Variants in PLCG2 observed in about 807,000 individuals in gnomAD.
PLCG2 encodes the protein 1-phosphatidylinositol 4,5-bisphosphate phosphodiesterase gamma-2.
In PLCG2, 69 loss-of-function variants were observed where a neutral mutation model predicts 175.6. That is an observed-to-expected ratio of 0.39 (90% CI 0.32 to 0.48). The LOEUF is 0.48. Among genes scored for constraint, PLCG2 ranks in the 20% least tolerant of loss-of-function variants. PLCG2 has a pLI of 0.91. For synonymous variants in PLCG2, 827 were observed against 624.0 expected, an observed-to-expected ratio of 1.33 and a Z score of -4.85; for missense variants, 1,798 against 1,650.9, an observed-to-expected ratio of 1.09 and a Z score of -1.54.
chr16:81,853,597 A>G (rs1180347479), intron 2 of PLCG2, among the ~76,000 whole-genome samples: 2 of 152,266 alleles, frequency 1.3e-5, no homozygotes, highest in Middle Eastern at 3.4e-3. Flanking sequence ...TTGCGCCCCT[A>G]TGAGAATCTG....
upstream of PLCG2, among the ~76,000 whole-genome samples, chr16:81,776,083 C>CTT: frequency 0.053 from 4,304 of 81,396 alleles, 1,077 homozygotes; most frequent in South Asian, 0.075. Context: ...TTCTCTCTCT[C>CTT]TCTCTCTTTC....
At chr16:81,829,986 C>T (rs149619554) in intron 2 of PLCG2, among the ~76,000 whole-genome samples, 1 of 151,886 alleles carries the variant, frequency 6.6e-6, no homozygotes, top group African/African-American at 2.4e-5. Context: ...GACCCATGAA[C>T]GGGCAGTGCT....
chr16:81,915,668 T>C (rs1254942229), intron 19 of PLCG2, among the ~76,000 whole-genome samples: 5 of 152,208 alleles, frequency 3.3e-5, no homozygotes, highest in African/African-American at 9.6e-5. Context: ...ATGATCCTAA[T>C]GCTCCCCATG....
chr16:81,938,724 G>C (rs1487751547), intron 28 of PLCG2, 77 bp from the exon 29 acceptor site: 15 of 813,832 alleles, frequency 1.8e-5, no homozygotes, highest in Admixed American at 4.3e-5. Context: ...TGTCACTCTA[G>C]AACCCAGCTG....
At chr16:81,870,704 C>T in intron 6 of PLCG2, 148 bp from the exon 7 acceptor site, 1 of 469,314 alleles carries the variant, frequency 2.1e-6, no homozygotes, top group Non-Finnish European at 3.8e-6. Flanking sequence ...AAAGCCATGA[C>T]ACTGAAACAA....
intron 1 of PLCG2, among the ~76,000 whole-genome samples, chr16:81,742,333 G>A (rs1282711513): frequency 6.6e-6 from 1 of 152,152 alleles, no homozygotes; most frequent in Non-Finnish European, 1.5e-5. Context: ...GCCTGACTGG[G>A]ATGAGACCAA....
chr16:81,750,997 T>C (rs1465644164), intron 1 of PLCG2, among the ~76,000 whole-genome samples: 216 of 90,878 alleles, frequency 2.4e-3, no homozygotes, highest in Non-Finnish European at 2.9e-3. Flanking sequence ...TTTTTTTTTT[T>C]CAAACAGAGT....
intron 3 of PLCG2, among the ~76,000 whole-genome samples, chr16:81,857,079 A>G (rs1044424119): frequency 7.0e-6 from 1 of 142,898 alleles, no homozygotes; most frequent in African/African-American, 2.5e-5. Flanking sequence ...ATAAATCTAT[A>G]TTACTTTAAG....
In PLCG2 at chr16:81,912,683, G is replaced by T; in HGVS notation, c.2021G>T (p.Arg674Leu). ...PRDGAFLIRK[R>L]EGSDSYAITF... ...GACGGGGCCTTCCTGATCCGGAAGCGAGAGGGGAGCGACTCCTATGCCATC... is the reference window on the plus strand; with the variant it reads ...GACGGGGCCTTCCTGATCCGGAAGCTAGAGGGGAGCGACTCCTATGCCATC... Residue 674 changes from arginine to leucine, a missense_variant, in exon 19 of 33, where the codon CGA (arginine) becomes CTA (leucine). Arg to Leu is a moderately radical substitution (Grantham distance 102, BLOSUM62 -2). Transcript: ENST00000564138. The T allele has an allele frequency of 6.2e-7, 1 of 1,612,208 alleles. No homozygotes were observed.
intron 13 of PLCG2, among the ~76,000 whole-genome samples, chr16:81,899,164 G>A (rs1467662218): frequency 6.6e-6 from 1 of 151,516 alleles, no homozygotes; most frequent in Non-Finnish European, 1.5e-5. Flanking sequence ...ACTCCATCCC[G>A]GGCAATGAGT....
intron 2 of PLCG2, among the ~76,000 whole-genome samples, chr16:81,765,166 G>A (rs1298989970): frequency 6.6e-6 from 1 of 152,248 alleles, no homozygotes; most frequent in Non-Finnish European, 1.5e-5. Flanking sequence ...CATGCACAGA[G>A]GGAAGATGAT....
rs148565671 is a variant in PLCG2 at position 81,926,557 on chromosome 16, A to G, written c.2418-525A>G. Among the ~76,000 whole-genome samples the G allele has an allele frequency of 1.9e-3, 290 of 152,360 alleles. 1 individual carries two copies. The highest frequency in any genetic ancestry group is 6.5e-3 in the African/African-American group (269 of 41,586). On this transcript the variant is annotated intron_variant, in intron 22 of 32. Coordinates refer to ENST00000564138, the MANE Select transcript of PLCG2 (RefSeq NM_002661.5). ...TAACACTATTGAGTATTTACTGTGT[A>G]CTAGGTAGGCGCTGTCCCAAGCACT...
At chr16:81,794,553 T>C (rs1911381946) in intron 2 of PLCG2, among the ~76,000 whole-genome samples, 1 of 152,176 alleles carries the variant, frequency 6.6e-6, no homozygotes, top group Admixed American at 6.5e-5. Context: ...GGTCCTGCAC[T>C]TGGTAGGGGT....
intron 1 of PLCG2, among the ~76,000 whole-genome samples, chr16:81,752,814 G>A (rs575584753): frequency 1.3e-5 from 2 of 152,330 alleles, no homozygotes; most frequent in South Asian, 2.1e-4. Context: ...GCACCTCCCC[G>A]GTGAGTGGCT....
Position 81,936,396 on chromosome 16 carries a change from G to A in PLCG2, c.3052+18G>A. ...GACGGCAGGTAAAGGCCGACTGAAG[G>A]TAGTCCCGTCCCTGCAAGGTGGCGG... On this transcript the variant is annotated intron_variant, in intron 27 of 32. Coordinates refer to ENST00000564138, the MANE Select transcript of PLCG2 (RefSeq NM_002661.5). 1 of 1,606,760 alleles carries A rather than the reference G, an allele frequency of 6.2e-7. No homozygotes were observed. Among genetic ancestry groups the A allele is most frequent in the Non-Finnish European group, 8.5e-7 (1 of 1,174,618 alleles).
chr16:81,957,124 C>A (rs934367397), intron 32 of PLCG2, among the ~76,000 whole-genome samples: 1 of 151,916 alleles, frequency 6.6e-6, no homozygotes, highest in Non-Finnish European at 1.5e-5. Flanking sequence ...CATGGAGAAA[C>A]CCTGTCTCTA....
chr16:81,889,353 G>T (rs1365731640), intron 10 of PLCG2, 80 bp downstream of exon 10: 2 of 781,362 alleles, frequency 2.6e-6, no homozygotes, highest in Non-Finnish European at 4.4e-6. Context: ...TTTTCTGTTT[G>T]TCTTTCCTTG....
chr16:81,769,726 A>G (rs1251528798), intron 2 of PLCG2, among the ~76,000 whole-genome samples: 44 of 142,096 alleles, frequency 3.1e-4, no homozygotes, highest in South Asian at 4.7e-4. Context: ...AGGCTGAGGC[A>G]GGAGAATGGC....
intron 1 of PLCG2, among the ~76,000 whole-genome samples, chr16:81,781,413 GTTT>G (rs71146046): frequency 6.7e-6 from 1 of 150,218 alleles, no homozygotes; most frequent in African/African-American, 2.5e-5. Flanking sequence ...GTTGTTTTCT[GTTT>G]TTTTTTCTTT....
Sources: allele counts gnomAD v4.1 joint callset (sites outside exome capture counted in the v4.1 genomes callset), GRCh38; gene constraint gnomAD v4.1.1; transcripts MANE v1.5; gene names NCBI Gene and HGNC (gene_info 2026-07-23, HGNC 2026-07-21).